DARS1: variants seen among roughly 807,000 people sequenced by gnomAD.
The protein encoded by DARS1 is aspartate--tRNA ligase, cytoplasmic.
DARS1 carries 51 observed loss-of-function variants against 68.8 expected under a neutral mutation model. The observed-to-expected ratio is 0.74, with a 90% CI of 0.59 to 0.94. The LOEUF (loss-of-function observed/expected upper bound fraction) is 0.94, where lower values mean the gene tolerates loss of function less well. Among genes scored for constraint, DARS1 ranks in the 40% least tolerant of loss-of-function variants. DARS1 has a pLI of 0.00. For missense variants in DARS1, 607 were observed against 597.3 expected, an observed-to-expected ratio of 1.02 and a Z score of -0.17; for synonymous variants, 203 against 190.4, an observed-to-expected ratio of 1.07 and a Z score of -0.55.
chr2:135,916,805 T>A (rs1051617110), intron 10 of DARS1, among the ~76,000 whole-genome samples: 1 of 152,218 alleles, frequency 6.6e-6, no homozygotes, highest in Non-Finnish European at 1.5e-5. Flanking sequence ...ATCTCTATAG[T>A]ACAATGCCTA....
At chr2:135,913,984 T>C (rs1043514103) in intron 12 of DARS1, among the ~76,000 whole-genome samples, 1 of 152,226 alleles carries the variant, frequency 6.6e-6, no homozygotes, top group African/African-American at 2.4e-5. Flanking sequence ...CTTTTCATTA[T>C]ATCATTATCT....
chr2:135,938,952 A>AAG (rs1361052844), intron 5 of DARS1, among the ~76,000 whole-genome samples: 1 of 152,208 alleles, frequency 6.6e-6, no homozygotes, highest in Non-Finnish European at 1.5e-5. Flanking sequence ...ATTCAACAAG[A>AAG]AGAGCTAACT....
chr2:135,914,532 C>A, intron 11 of DARS1, 21 bp from the exon 12 acceptor site: 1 of 1,338,878 alleles, frequency 7.5e-7, no homozygotes, highest in South Asian at 1.2e-5. Flanking sequence ...AACGTGAAAT[C>A]AGTGTTTGAA....
chr2:135,912,485 C>A lies in DARS1; in HGVS notation c.1230+1G>T. 1.0e-6 allele frequency: 1 copy of A among 1,003,254 alleles called. No homozygotes were observed. Among genetic ancestry groups the A allele is most frequent in the Non-Finnish European group, 1.5e-6 (1 of 646,250 alleles). The allele number at this position is 1,003,254 out of a possible 1,614,324, so 62.1% of individuals were successfully genotyped here. On this transcript the variant is annotated splice_donor_variant, in intron 13 of 15. Coordinates refer to ENST00000264161, the MANE Select transcript of DARS1 (RefSeq NM_001349.4). LOFTEE classifies it high-confidence loss of function. Reference sequence around the variant, plus strand: ...GGGTTACTTAAAACCAAATTACTTACGGGATTTCTTGGGTCAGGCATGGTA... The same window carrying A: ...GGGTTACTTAAAACCAAATTACTTAAGGGATTTCTTGGGTCAGGCATGGTA...
At chr2:135,965,682 T>C (rs1682213537) in intron 3 of DARS1, among the ~76,000 whole-genome samples, 1 of 152,174 alleles carries the variant, frequency 6.6e-6, no homozygotes, top group South Asian at 2.1e-4. Context: ...GCAATAAGCA[T>C]TAAAAGGCTT....
rs558996246 is a variant in DARS1 at position 135,957,258 on chromosome 2, C to T, written c.320+4138G>A. Among the ~76,000 whole-genome samples, 7 of 150,064 alleles carry T rather than the reference C, an allele frequency of 4.7e-5. No individual in the cohort carries two copies. In the East Asian group the frequency reaches 1.0e-3, roughly 21 times the overall value. ...TTTTTTTTTTTTTGAGACGGAGTCT[C>T]GCTCTGTCGCCCAGGCTGGAGTGCA... is the stretch of plus-strand genomic sequence containing the variant. On this transcript the variant is annotated intron_variant, in intron 4 of 15. Coordinates refer to ENST00000264161, the MANE Select transcript of DARS1 (RefSeq NM_001349.4).
At chr2:135,946,656 G>C (rs1445218762) in intron 4 of DARS1, among the ~76,000 whole-genome samples, 1 of 152,054 alleles carries the variant, frequency 6.6e-6, no homozygotes, top group African/African-American at 2.4e-5. Flanking sequence ...CAAGGGTGAA[G>C]GTATAATTTC....
Position 135,907,381 on chromosome 2 carries a change from G to C in DARS1, c.1441C>G (p.Leu481Val). 1.2e-6 allele frequency: 2 copies of C among 1,610,284 alleles called. No homozygotes were observed. Among genetic ancestry groups the C allele is most frequent in the Non-Finnish European group, 1.7e-6 (2 of 1,178,114 alleles). ...IGLERVTMLF[L>V]GLHNVRQTSM... Reference sequence around the variant, plus strand: ...GTCTGACGAACATTATGCAATCCCAGAAACAGCATAGTAACTCGTTCCAAT... The same window carrying C: ...GTCTGACGAACATTATGCAATCCCACAAACAGCATAGTAACTCGTTCCAAT... Residue 481 changes from leucine to valine, a missense_variant, in exon 16 of 16, where the codon CTG becomes GTG. Transcript: ENST00000264161.
intron 5 of DARS1, 112 bp downstream of exon 5, chr2:135,943,261 CTAATT>C (rs1681647033): frequency 7.3e-7 from 1 of 1,377,888 alleles, no homozygotes; most frequent in Admixed American, 2.6e-5. Flanking sequence ...GATTCAGTAA[CTAATT>C]TATAAACCTC....
At chr2:135,949,298 T>C (rs1681793981) in intron 4 of DARS1, among the ~76,000 whole-genome samples, 1 of 152,074 alleles carries the variant, frequency 6.6e-6, no homozygotes, top group Non-Finnish European at 1.5e-5. Context: ...ACACTCACTG[T>C]CCTCTCTAAC....
chr2:135,915,383 C>G (rs576514334), intron 11 of DARS1, among the ~76,000 whole-genome samples: 149 of 152,232 alleles, frequency 9.8e-4, no homozygotes, highest in African/African-American at 3.4e-3. Context: ...TACTCCTGGG[C>G]ACAAGTGATC....
At chr2:135,936,823 G>A (rs1343760371) in intron 5 of DARS1, among the ~76,000 whole-genome samples, 1 of 152,136 alleles carries the variant, frequency 6.6e-6, no homozygotes, top group Non-Finnish European at 1.5e-5. Context: ...ACAGATTCCA[G>A]CTAAATACAA....
Position 135,906,536 on chromosome 2 carries a change from A to AAC in DARS1, c.*778_*779dup, listed in dbSNP as rs1368557889. The AAC allele has an allele frequency of 1.3e-5, 2 of 152,188 alleles. No homozygotes were observed. The highest frequency in any genetic ancestry group is 3.8e-4 in the East Asian group (2 of 5,202). 9.4% of individuals were successfully genotyped at this position (152,188 alleles called of 1,614,324 possible). ...AGAGCTCTATCCCTACGCCCATCTAAACTAATATCCTGAAATGAATACATG... is the reference window on the plus strand; with the variant it reads ...AGAGCTCTATCCCTACGCCCATCTAAACACTAATATCCTGAAATGAATACATG... On this transcript the variant is annotated 3_prime_UTR_variant, in exon 16 of 16. Transcript: ENST00000264161.
At chr2:135,942,627 C>T (rs1018758579) in intron 5 of DARS1, among the ~76,000 whole-genome samples, 5 of 151,792 alleles carry the variant, frequency 3.3e-5, no homozygotes, top group African/African-American at 1.2e-4. Context: ...ACGTTGTGCA[C>T]ATGTATCCTA....
chr2:135,983,525 AATAAT>A, intron 1 of DARS1, 71 bp from the exon 2 acceptor site: 2 of 614,294 alleles, frequency 3.3e-6, no homozygotes, highest in Non-Finnish European at 5.8e-6. Flanking sequence ...CATAAATACT[AATAAT>A]AGAATATAAA....
intron 15 of DARS1, among the ~76,000 whole-genome samples, chr2:135,908,494 C>T (rs1006175773): frequency 9.8e-5 from 15 of 152,328 alleles, no homozygotes; most frequent in African/African-American, 3.4e-4. Flanking sequence ...GCCATACTGT[C>T]TTCCACAATG....
chr2:135,961,453 T>A lies in DARS1; in HGVS notation c.263A>T (p.Gln88Leu), dbSNP rs753893345. The change falls in exon 4 of 16, where the codon CAG becomes CTG. Residue 88 changes from glutamine (Q) to leucine (L), a missense_variant. Physicochemically the swap from Gln to Leu is moderately radical, Grantham distance 113. Coordinates refer to ENST00000264161, the MANE Select transcript of DARS1 (RefSeq NM_001349.4). ...LVLRQQQFNV[Q>L]ALVAVGDHAS... ...ATGGTCTCCCACCGCCACAAGAGCC[T>A]GGACATTAAACTGCTGCTGACGTAG... 15 of 1,566,044 alleles carry A rather than the reference T, an allele frequency of 9.6e-6. No homozygotes were observed. Among genetic ancestry groups the A allele is most frequent in the Non-Finnish European group, 1.3e-5 (15 of 1,136,052 alleles).
At chr2:135,919,459 C>T (rs1261012196) in intron 10 of DARS1, among the ~76,000 whole-genome samples, 2 of 152,166 alleles carry the variant, frequency 1.3e-5, no homozygotes, top group African/African-American at 4.8e-5. Flanking sequence ...AATTGCTGGT[C>T]TTCAAATAAA....
At position 135,930,942 on chromosome 2, in the gene DARS1, A is replaced by C. The variant is rs76986930; in HGVS notation, c.564+1841T>G. ...AGTTATGTGAGTGCTATGTATGAAA[A>C]GGGTGCCAAAGACATTTTAATTCAC... is the stretch of plus-strand genomic sequence containing the variant. On this transcript the variant is annotated intron_variant, in intron 7 of 15. Transcript: ENST00000264161. Among the ~76,000 whole-genome samples, 1,317 of 152,326 alleles carry C rather than the reference A, an allele frequency of 8.6e-3. 16 individuals are homozygous for C. The highest frequency in any genetic ancestry group is 0.028 in the African/African-American group (1,163 of 41,580).
Sources: allele counts gnomAD v4.1 joint callset (sites outside exome capture counted in the v4.1 genomes callset), GRCh38; gene constraint gnomAD v4.1.1; transcripts MANE v1.5; gene names NCBI Gene and HGNC (gene_info 2026-07-23, HGNC 2026-07-21).